The following NUDT2 variants were observed in gnomAD, a reference collection of about 807,000 sequenced individuals.
NUDT2 encodes the protein bis(5'-nucleosyl)-tetraphosphatase [asymmetrical].
NUDT2 carries 12 observed loss-of-function variants against 14.2 expected under a neutral mutation model. The ratio of observed to expected loss-of-function variants is 0.84; its 90% CI spans 0.54 to 1.37. The LOEUF (loss-of-function observed/expected upper bound fraction) is 1.37, where lower values mean the gene tolerates loss of function less well. Ranked by LOEUF, NUDT2 falls within the 40% of genes most tolerant of loss-of-function variation. NUDT2 has a pLI of 0.00. For synonymous variants in NUDT2, 67 were observed against 67.4 expected, an observed-to-expected ratio of 0.99 and a Z score of 0.03; for missense variants, 167 against 176.7, an observed-to-expected ratio of 0.95 and a Z score of 0.31.
chr9:34,338,880 G>T, intron 3 of NUDT2, 33 bp downstream of exon 3: 1 of 629,796 alleles, frequency 1.6e-6, no homozygotes, highest in South Asian at 2.3e-5. Flanking sequence ...CCTTCCATTG[G>T]TCCTGGGCAT....
chr9:34,343,215 T>C lies in NUDT2; in HGVS notation c.219T>C (p.Ile73=), dbSNP rs1820238786. ...AGIEAGQLTI[I]EGFKRELNYV... is the part of the protein sequence containing the mutation. ...TAGAAGCAGGCCAGCTGACCATTAT[T>C]GAGGGGTTCAAAAGGGAACTCAATT... The change falls in exon 5 of 5, where the codon ATT becomes ATC. Residue 73 remains isoleucine (I), a synonymous_variant. Transcript: ENST00000379158. The C allele has an allele frequency of 6.2e-7, 1 of 1,613,802 alleles. No homozygotes were observed. The highest frequency in any genetic ancestry group is 8.5e-7 in the Non-Finnish European group (1 of 1,180,028).
At chr9:34,336,905 G>C (rs1838101965) in intron 2 of NUDT2, among the ~76,000 whole-genome samples, 3 of 150,646 alleles carry the variant, frequency 2.0e-5, no homozygotes, top group African/African-American at 7.3e-5. Context: ...TGTACTTTTT[G>C]CCTATTCCCA....
intron 4 of NUDT2, among the ~76,000 whole-genome samples, chr9:34,342,856 A>G (rs1430029590): frequency 1.3e-5 from 2 of 151,698 alleles, no homozygotes; most frequent in Non-Finnish European, 2.9e-5. Flanking sequence ...ATCTTTACCA[A>G]ATAAATAAAT....
Position 34,343,341 on chromosome 9 carries a change from C to A in NUDT2, c.345C>A (p.Arg115=), listed in dbSNP as rs1374718054. The A allele has an allele frequency of 1.2e-6, 2 of 1,613,920 alleles. No homozygotes were observed. The highest frequency in any genetic ancestry group is 1.7e-6 in the Non-Finnish European group (2 of 1,179,986). The change falls in exon 5 of 5, where the codon CGC becomes CGA. Residue 115 remains arginine, a synonymous_variant. Coordinates refer to ENST00000379158, the MANE Select transcript of NUDT2 (RefSeq NM_001161.5). ...IRLSHEHQAY[R]WLGLEEACQL... Reference sequence around the variant, plus strand: ...TCTCCCATGAGCACCAAGCCTACCGCTGGCTGGGGCTGGAGGAGGCCTGCC... The same window carrying A: ...TCTCCCATGAGCACCAAGCCTACCGATGGCTGGGGCTGGAGGAGGCCTGCC...
chr9:34,331,640 C>G (rs1416123914), intron 1 of NUDT2, among the ~76,000 whole-genome samples: 1 of 152,108 alleles, frequency 6.6e-6, no homozygotes, highest in East Asian at 1.9e-4. Flanking sequence ...AGAAAATTTT[C>G]ACCGTGGTCT....
rs1048227779 is a variant in NUDT2, at chr9:34,330,478, G to A, written c.-265+879G>A. Among the ~76,000 whole-genome samples, 6 of 152,274 alleles carry A rather than the reference G, an allele frequency of 3.9e-5. No homozygotes were observed. The South Asian group carries it at 1.2e-3, about 32-fold the overall frequency. On this transcript the variant is annotated intron_variant, in intron 1 of 4. Coordinates refer to ENST00000379158, the MANE Select transcript of NUDT2 (RefSeq NM_001161.5). ...TGTAAAACGCTATTATAGAGTTAAG[G>A]TTAAGATCATTGATGTTAGGAGTCA...
At chr9:34,337,561 T>C (rs766771352) in intron 2 of NUDT2, among the ~76,000 whole-genome samples, 19 of 152,210 alleles carry the variant, frequency 1.2e-4, no homozygotes, top group Admixed American at 3.3e-4. Flanking sequence ...GTTGGGTGTT[T>C]GGTTTTTGGT....
chr9:34,332,933 A>C (rs1434663836), intron 1 of NUDT2, among the ~76,000 whole-genome samples: 4 of 152,222 alleles, frequency 2.6e-5, no homozygotes, highest in Non-Finnish European at 5.9e-5. Context: ...AAAGGGAAGA[A>C]AGAAACTGGC....
rs1236501030 is a variant in NUDT2 at position 34,339,031 on chromosome 9, G to T, written c.-9G>T. 6.2e-7 allele frequency: 1 copy of T among 1,612,274 alleles called. No homozygotes were observed. Among genetic ancestry groups the T allele is most frequent in the Non-Finnish European group, 8.5e-7 (1 of 1,178,682 alleles). ...TGTATCTTCTTTGTTAAGTCCTTAGGATAAGACCATGGCCTTGAGAGCATG... is the reference window on the plus strand; with the variant it reads ...TGTATCTTCTTTGTTAAGTCCTTAGTATAAGACCATGGCCTTGAGAGCATG... On this transcript the variant is annotated 5_prime_UTR_variant, in exon 4 of 5. Transcript: ENST00000379158.
intron 1 of NUDT2, among the ~76,000 whole-genome samples, chr9:34,334,433 G>A (rs1838034687): frequency 6.6e-6 from 1 of 152,196 alleles, no homozygotes; most frequent in African/African-American, 2.4e-5. Context: ...CATATTGGAT[G>A]CTGTGTTCCT....
chr9:34,338,184 G>GATAAA (rs1198396286), intron 2 of NUDT2, among the ~76,000 whole-genome samples: 2 of 124,496 alleles, frequency 1.6e-5, no homozygotes, highest in African/African-American at 5.9e-5. Flanking sequence ...AAAAAAAAAG[G>GATAAA]ATAAAATAAA....
intron 2 of NUDT2, among the ~76,000 whole-genome samples, chr9:34,338,146 C>A (rs1284913721): frequency 7.8e-5 from 9 of 114,988 alleles, no homozygotes; most frequent in Admixed American, 2.0e-4. Flanking sequence ...CATAGTAAGT[C>A]CCTGTTTCTT....
Position 34,338,327 on chromosome 9 carries a change from T to TAAAAAAAAAAAAAAAA in NUDT2, c.-151-371_-151-356dup. Among the ~76,000 whole-genome samples the TAAAAAAAAAAAAAAAA allele has an allele frequency of 5.0e-4, 17 of 33,738 alleles. 1 individual carries two copies. The highest frequency in any genetic ancestry group is 1.7e-3 in the African/African-American group (10 of 5,976). 22.1% of individuals were successfully genotyped at this position (33,738 alleles called of 152,430 possible). A position where few individuals can be genotyped will look rare whatever the true frequency, so the allele number is the denominator to read the frequency against. Reference sequence around the variant, plus strand: ...GGGCAATATAGTGAGACCCTGTCTCTAAAAAAAAAAAAAAAAAAAAAAAAA... The same window carrying TAAAAAAAAAAAAAAAA: ...GGGCAATATAGTGAGACCCTGTCTCTAAAAAAAAAAAAAAAAAAAAAAAAAAAAAAAAAAAAAAAAA... On this transcript the variant is annotated intron_variant, in intron 2 of 4. Coordinates refer to ENST00000379158, the MANE Select transcript of NUDT2 (RefSeq NM_001161.5).
At chr9:34,337,552 T>C (rs1450902463) in intron 2 of NUDT2, among the ~76,000 whole-genome samples, 1 of 152,202 alleles carries the variant, frequency 6.6e-6, no homozygotes, top group Non-Finnish European at 1.5e-5. Flanking sequence ...GGTCTTGGTG[T>C]TGGGTGTTTG....
intron 4 of NUDT2, among the ~76,000 whole-genome samples, chr9:34,340,598 T>C (rs550297967): frequency 3.9e-4 from 60 of 152,322 alleles, no homozygotes; most frequent in Non-Finnish European, 7.1e-4. Flanking sequence ...GTTTGTAAGC[T>C]GGCCAGTTTT....
At chr9:34,333,332 A>C (rs1587988147) in intron 1 of NUDT2, among the ~76,000 whole-genome samples, 1 of 152,218 alleles carries the variant, frequency 6.6e-6, no homozygotes, top group East Asian at 1.9e-4. Context: ...TAGATTAAAG[A>C]CTGGGAATTT....
intron 1 of NUDT2, among the ~76,000 whole-genome samples, chr9:34,334,913 G>A (rs1838049333): frequency 6.6e-6 from 1 of 152,218 alleles, no homozygotes; most frequent in South Asian, 2.1e-4. Context: ...CTGAATTGAA[G>A]TAGCAGCCAG....
At position 34,343,473 on chromosome 9, in the gene NUDT2, G is replaced by T. The variant is rs1412014313; in HGVS notation, c.*33G>T. On this transcript the variant is annotated 3_prime_UTR_variant, in exon 5 of 5. Transcript: ENST00000379158. The stretch of plus-strand genomic sequence containing the variant: ...GGAGCAGAGTCATTTGCTTCAGCAG[G>T]ATCCTTGTGGGCCTTCTAAGATGAA... 1 of 1,519,656 alleles carries T rather than the reference G, an allele frequency of 6.6e-7. No homozygotes were observed. Among genetic ancestry groups the T allele is most frequent in the South Asian group, 1.3e-5 (1 of 76,144 alleles). The allele number at this position is 1,519,656 out of a possible 1,614,324, so 94.1% of individuals were successfully genotyped here.
At chr9:34,339,305 T>G (rs1205248832) in intron 4 of NUDT2, 139 bp downstream of exon 4, 29 of 1,005,644 alleles carry the variant, frequency 2.9e-5, no homozygotes, top group Non-Finnish European at 3.9e-5. Context: ...CTTGACCCTT[T>G]CTACATACAA....
Sources: allele counts gnomAD v4.1 joint callset (sites outside exome capture counted in the v4.1 genomes callset), GRCh38; gene constraint gnomAD v4.1.1; transcripts MANE v1.5; gene names NCBI Gene and HGNC (gene_info 2026-07-23, HGNC 2026-07-21).